The following PROM2 variants were observed in gnomAD, a reference collection of about 807,000 sequenced individuals.
The protein encoded by PROM2 is prominin 2, also known as prominin-2.
In PROM2, 90 loss-of-function variants were observed where a neutral mutation model predicts 110.2. That is an observed-to-expected ratio of 0.82 (90% CI 0.69 to 0.97). PROM2 has a LOEUF of 0.97. Ranked by LOEUF, PROM2 falls within the 50% of genes least tolerant of loss-of-function variation. The pLI, the probability that PROM2 is intolerant of heterozygous loss-of-function variation, is 0.00. For synonymous variants in PROM2, 470 were observed against 467.8 expected (o/e 1.00, Z -0.06); for missense variants, 1,009 against 1,074.8 (o/e 0.94, Z 0.86).
At chr2:95,281,387 G>A in intron 12 of PROM2, 22 bp downstream of exon 12, 7 of 1,605,682 alleles carry the variant, frequency 4.4e-6, no homozygotes, top group Non-Finnish European at 5.9e-6. Flanking sequence ...TCTGCTCACA[G>A]GCCCTCCTGG....
intron 1 of PROM2, 66 bp downstream of exon 1, chr2:95,274,895 A>C: frequency 1.7e-5 from 25 of 1,431,240 alleles, no homozygotes; most frequent in East Asian, 7.6e-5. Flanking sequence ...CCTCTGTCCC[A>C]CTCTACCATG....
intron 23 of PROM2, 103 bp downstream of exon 23, chr2:95,289,109 A>C: frequency 2.1e-6 from 2 of 948,012 alleles, no homozygotes; most frequent in South Asian, 1.4e-5. Context: ...GAGGGCAGGA[A>C]GGCTTGGGGA....
At chr2:95,287,363 C>T (rs1319401149) in intron 19 of PROM2, 33 bp from the exon 20 acceptor site, 15 of 1,612,060 alleles carry the variant, frequency 9.3e-6, no homozygotes, top group Non-Finnish European at 1.3e-5. Context: ...CTTCTGGGAC[C>T]CCTACAGCTC....
intron 10 of PROM2, 49 bp downstream of exon 10, chr2:95,279,193 A>G (rs1212629459): frequency 7.6e-7 from 1 of 1,313,886 alleles, no homozygotes; most frequent in South Asian, 1.5e-5. Context: ...TGGGCAGCCC[A>G]GCCTCTATGC....
chr2:95,288,154 G>C, intron 20 of PROM2, 57 bp from the exon 21 acceptor site: 1 of 1,550,204 alleles, frequency 6.5e-7, no homozygotes, highest in Non-Finnish European at 8.9e-7. Flanking sequence ...TTGAATATGG[G>C]TGTGCGCCTG....
chr2:95,277,631 C>T (rs575697423), intron 7 of PROM2, 65 bp downstream of exon 7: 52 of 1,406,588 alleles, frequency 3.7e-5, no homozygotes, highest in Non-Finnish European at 4.8e-5. Flanking sequence ...CTCCTGGGAT[C>T]TGGCAAATTC....
In PROM2 at chr2:95,276,440, G is replaced by C; in HGVS notation, c.618+93G>C. ...GTGGGCCCTCGATGGCCCATAACCA[G>C]CGCATCTGAAAGCCGCCTCCTCTCC... On this transcript the variant is annotated intron_variant, in intron 4 of 23. Coordinates refer to ENST00000317620, the MANE Select transcript of PROM2 (RefSeq NM_001165978.3). The surrounding 1 kb of genome is among the most constrained non-coding windows in gnomAD (Gnocchi z 4.6). 1.3e-6 allele frequency: 2 copies of C among 1,593,516 alleles called. No homozygotes were observed. The highest frequency in any genetic ancestry group is 3.4e-5 in the Admixed American group (2 of 58,858).
At chr2:95,277,328 G>A in intron 6 of PROM2, 36 bp from the exon 7 acceptor site, 1 of 1,573,926 alleles carries the variant, frequency 6.4e-7, no homozygotes, top group South Asian at 1.2e-5. Flanking sequence ...GGATGCATAT[G>A]GTGGACCCTG....
Position 95,274,622 on chromosome 2 carries a change from G to C in PROM2, c.37G>C (p.Gly13Arg), listed in dbSNP as rs1676534473. 7 of 1,603,082 alleles carry C rather than the reference G, an allele frequency of 4.4e-6. No homozygotes were observed. Among genetic ancestry groups the C allele is most frequent in the Non-Finnish European group, 5.1e-6 (6 of 1,172,646 alleles). The change falls in exon 1 of 24, where the codon GGC (glycine) becomes CGC (arginine). Residue 13 changes from glycine (G) to arginine (R), a missense_variant. Gly to Arg is a moderately radical substitution (Grantham distance 125, BLOSUM62 -2). Transcript: ENST00000317620. ...ACTGGCTCTGCTGGCTCCCCTGCTG[G>C]GCCTGGGCCTGGGGCTGGCCCTGAG... ...HTLALLAPLL[G>R]LGLGLALSQL... is the part of the protein sequence containing the mutation.
Position 95,277,344 on chromosome 2 carries a change from G to T in PROM2, c.773-20G>T, listed in dbSNP as rs374402297. On this transcript the variant is annotated intron_variant, in intron 6 of 23. Transcript: ENST00000317620. ...GATGCATATGGTGGACCCTGCTCAG[G>T]CTGGGTGTGGGTCTCTCAGTCCTGC... The T allele has an allele frequency of 1.3e-6, 2 of 1,596,436 alleles. No homozygotes were observed. The highest frequency in any genetic ancestry group is 1.7e-6 in the Non-Finnish European group (2 of 1,170,154).
intron 6 of PROM2, 115 bp from the exon 7 acceptor site, chr2:95,277,249 C>A (rs1167051051): frequency 4.8e-6 from 6 of 1,257,090 alleles, no homozygotes; most frequent in Non-Finnish European, 6.7e-6. Flanking sequence ...CCACTGTAGG[C>A]AGGAGGTCAA....
rs1329206907 is a variant in PROM2 at position 95,276,506 on chromosome 2, A to G, written c.619-88A>G. On this transcript the variant is annotated intron_variant, in intron 4 of 23. Coordinates refer to ENST00000317620, the MANE Select transcript of PROM2 (RefSeq NM_001165978.3). The surrounding 1 kb of genome is among the most constrained non-coding windows in gnomAD (Gnocchi z 4.6). ...GTCGACCACCCTCAGGGTGGATGCC[A>G]TAGGGGCAGGGAAGGGGCCAGGGAG... 5.6e-6 allele frequency: 9 copies of G among 1,603,382 alleles called. No homozygotes were observed. The highest frequency in any genetic ancestry group is 7.7e-6 in the Non-Finnish European group (9 of 1,171,260).
intron 7 of PROM2, 171 bp downstream of exon 7, chr2:95,277,737 C>T: frequency 1.3e-6 from 1 of 777,376 alleles, no homozygotes; most frequent in Non-Finnish European, 2.0e-6. Flanking sequence ...CAGGCCACGC[C>T]CTGTACGTGA....
At chr2:95,278,916 G>A (rs2104099775) in intron 9 of PROM2, 69 bp from the exon 10 acceptor site, 2 of 1,601,262 alleles carry the variant, frequency 1.2e-6, no homozygotes, top group Middle Eastern at 3.3e-4. Context: ...TGTTCTTCCT[G>A]CCCGCTTGTC....
At position 95,275,565 on chromosome 2, in the gene PROM2, G is replaced by C. The variant is rs1391561955; in HGVS notation, c.294+55G>C. The C allele has an allele frequency of 6.3e-7, 1 of 1,596,644 alleles. No individual in the cohort carries two copies. Among genetic ancestry groups the C allele is most frequent in the Non-Finnish European group, 8.6e-7 (1 of 1,169,150 alleles). On this transcript the variant is annotated intron_variant, in intron 2 of 23. Transcript: ENST00000317620. This position sits in a 1 kb window ranked among gnomAD's most constrained non-coding sequence, Gnocchi z 4.4. ...AGGGAGTTCTGGGGTGAGCAGCAGG[G>C]TGGGAGCAGAAAAGCCTTGGCTCCC...
In PROM2 at chr2:95,282,237, G is replaced by A. The variant is rs747694925; in HGVS notation, c.1728+11G>A. On this transcript the variant is annotated intron_variant, in intron 14 of 23. Transcript: ENST00000317620. ...CTGGATATCAACCAGGTGAGAGAAC[G>A]TTTTGGAAACTGTGAGGAGCCCTCC... 17 of 1,608,788 alleles carry A rather than the reference G, an allele frequency of 1.1e-5. No homozygotes were observed. Among genetic ancestry groups the A allele is most frequent in the South Asian group, 4.4e-5 (4 of 90,220 alleles).
intron 14 of PROM2, 86 bp downstream of exon 14, chr2:95,282,312 T>TCAAAGAGACGG: frequency 1.8e-6 from 2 of 1,129,526 alleles, no homozygotes; most frequent in Non-Finnish European, 2.6e-6. Context: ...CACCGTCTCT[T>TCAAAGAGACGG]TGAACCTAGG....
intron 6 of PROM2, 145 bp downstream of exon 6, chr2:95,277,206 C>A (rs1558741683): frequency 1.8e-6 from 2 of 1,113,032 alleles, no homozygotes; most frequent in Non-Finnish European, 1.3e-6. Flanking sequence ...ATCCAGCCCC[C>A]CTCCCCTGGC....
chr2:95,287,556 T>C (rs1368289492), intron 20 of PROM2, 92 bp downstream of exon 20: 23 of 1,323,156 alleles, frequency 1.7e-5, no homozygotes, highest in Middle Eastern at 2.5e-4. Flanking sequence ...CCGGAGCCCC[T>C]TGGGGGTGAC....
Sources: gnomAD v4.1 joint callset for allele counts on GRCh38, gnomAD v4.1.1 for gene constraint, Gnocchi (gnomAD v3.1) non-coding constraint, MANE v1.5 for transcripts, NCBI Gene and HGNC (gene_info 2026-07-23, HGNC 2026-07-21) for gene names.